MCC: variants seen among roughly 807,000 people sequenced by gnomAD.
MCC encodes colorectal mutant cancer protein.
In MCC, 90 loss-of-function variants were observed where a neutral mutation model predicts 116.2. The ratio of observed to expected loss-of-function variants is 0.77; its 90% CI spans 0.65 to 0.92. MCC has a LOEUF of 0.92. MCC is among the 40% of genes least tolerant of loss of function. The probability of loss-of-function intolerance (pLI) is 0.00; values close to 1 mark genes in which losing one functional copy is unlikely to be tolerated. For missense variants in MCC, 1,516 were observed against 1,312.2 expected (o/e 1.16, Z -2.40); for synonymous variants, 578 against 510.5 (o/e 1.13, Z -1.78).
chr5:113,070,791 CAT>C (rs1279516770), intron 12 of MCC, among the ~76,000 whole-genome samples: 1 of 152,068 alleles, frequency 6.6e-6, no homozygotes, highest in African/African-American at 2.4e-5. Flanking sequence ...ATGTAAATTA[CAT>C]ATGAACATGA....
At chr5:113,248,745 T>G (rs146467075) in intron 3 of MCC, among the ~76,000 whole-genome samples, 1 of 152,058 alleles carries the variant, frequency 6.6e-6, no homozygotes, top group Non-Finnish European at 1.5e-5. Context: ...GGTTTTGATA[T>G]AAGATTCCCC....
intron 3 of MCC, among the ~76,000 whole-genome samples, chr5:113,166,981 G>T (rs991356472): frequency 1.3e-5 from 2 of 152,144 alleles, no homozygotes; most frequent in African/African-American, 2.4e-5. Context: ...GTCTTACAAG[G>T]TACAGCGATG....
intron 3 of MCC, among the ~76,000 whole-genome samples, chr5:113,193,635 T>C (rs981219880): frequency 4.8e-4 from 73 of 152,188 alleles, no homozygotes; most frequent in African/African-American, 9.9e-4. Context: ...ATTCAAACGA[T>C]AGAGAAATAC....
At chr5:113,279,533 G>A (rs369930170) in intron 3 of MCC, among the ~76,000 whole-genome samples, 2 of 152,172 alleles carry the variant, frequency 1.3e-5, no homozygotes, top group African/African-American at 2.4e-5. Context: ...TCTTGCAAAT[G>A]AATATCGGAG....
intron 1 of MCC, chr5:113,435,088 T>A (rs572391632): frequency 2.3e-4 from 113 of 481,502 alleles, no homozygotes; most frequent in African/African-American, 2.0e-3. Context: ...CACTTGGACT[T>A]GGAATCCTGG....
At chr5:113,464,307 T>C (rs1020594536) in intron 1 of MCC, among the ~76,000 whole-genome samples, 4 of 152,200 alleles carry the variant, frequency 2.6e-5, no homozygotes, top group East Asian at 1.9e-4. Context: ...CCTCACTACT[T>C]CTCTTCTACT....
At chr5:113,135,875 C>G (rs566288162) in intron 5 of MCC, among the ~76,000 whole-genome samples, 1 of 152,208 alleles carries the variant, frequency 6.6e-6, no homozygotes, top group African/African-American at 2.4e-5. Flanking sequence ...GAAACCCCAT[C>G]TCTACTAAAA....
In MCC at chr5:113,024,234, A is replaced by AAACAT. The variant is rs927866961; in HGVS notation, c.*3063_*3067dup. The AAACAT allele has an allele frequency of 4.6e-5, 7 of 152,228 alleles. No individual in the cohort carries two copies. Among genetic ancestry groups the AAACAT allele is most frequent in the Non-Finnish European group, 7.4e-5 (5 of 68,018 alleles). 9.4% of individuals were successfully genotyped at this position (152,228 alleles called of 1,614,324 possible). ...CAATTTTAAAAGTTAAGTGCTAGTT[A>AAACAT]AACATAACATTTGTTTCAGGCAGCA... is the stretch of plus-strand genomic sequence containing the variant. On this transcript the variant is annotated 3_prime_UTR_variant, in exon 19 of 19. Transcript: ENST00000408903.
intron 3 of MCC, among the ~76,000 whole-genome samples, chr5:113,221,069 T>A (rs1763534892): frequency 6.6e-6 from 1 of 152,126 alleles, no homozygotes; most frequent in African/African-American, 2.4e-5. Flanking sequence ...CCAGGTATGG[T>A]GGTACATGCC....
rs775947685 is a variant in MCC at position 113,385,090 on chromosome 5, A to T, written c.293T>A (p.Met98Lys). The T allele has an allele frequency of 1.2e-5, 20 of 1,614,104 alleles. No homozygotes were observed. In the East Asian group the frequency reaches 2.0e-4, roughly 16 times the overall value. ...ISFQDFTRCR[M>K]QLVREIRKEE... ...CTTCCTAATTTCTCGAACAAGCTGC[A>T]TGCGGCATCTTGTGAAATCCTGAAA... The change falls in exon 2 of 19, where the codon ATG (methionine) becomes AAG (lysine). Residue 98 changes from methionine (M) to lysine (K), a missense_variant. Met to Lys is a moderately conservative substitution (Grantham distance 95). Coordinates refer to ENST00000408903, the MANE Select transcript of MCC (RefSeq NM_001085377.2).
chr5:113,091,016 C>T (rs1169892889), intron 8 of MCC, among the ~76,000 whole-genome samples: 3 of 152,154 alleles, frequency 2.0e-5, no homozygotes, highest in African/African-American at 4.8e-5. Flanking sequence ...AGATGGAGGG[C>T]GCCTGCTAGT....
intron 5 of MCC, among the ~76,000 whole-genome samples, chr5:113,138,464 G>C (rs1429710333): frequency 6.6e-6 from 1 of 152,204 alleles, no homozygotes; most frequent in Non-Finnish European, 1.5e-5. Context: ...CAGAGAGCTT[G>C]CTTCCTCTTT....
chr5:113,181,129 A>C (rs1761606978), intron 3 of MCC, among the ~76,000 whole-genome samples: 1 of 152,232 alleles, frequency 6.6e-6, no homozygotes, highest in African/African-American at 2.4e-5. Flanking sequence ...CTAAACTCCC[A>C]GAAACAGGCA....
At position 113,473,942 on chromosome 5, in the gene MCC, G is replaced by A. The variant is rs560645212; in HGVS notation, c.170+14303C>T. On this transcript the variant is annotated intron_variant, in intron 1 of 18. Coordinates refer to ENST00000408903, the MANE Select transcript of MCC (RefSeq NM_001085377.2). ...AAAGCTGACAGAAAAAATCCCAGAA[G>A]AAGAAAATGATACTGATTAGAAAGT... Among the ~76,000 whole-genome samples the A allele has an allele frequency of 5.4e-4, 82 of 152,200 alleles. 2 individuals are homozygous for A. The highest frequency in any genetic ancestry group is 1.8e-3 in the African/African-American group (73 of 41,526).
chr5:113,347,198 T>C (rs1768155579), intron 2 of MCC, among the ~76,000 whole-genome samples: 1 of 152,146 alleles, frequency 6.6e-6, no homozygotes, highest in African/African-American at 2.4e-5. Flanking sequence ...AATATTATAA[T>C]ACTGCAATTG....
chr5:113,353,279 C>T (rs1339011820), intron 2 of MCC, among the ~76,000 whole-genome samples: 1 of 152,152 alleles, frequency 6.6e-6, no homozygotes, highest in East Asian at 1.9e-4. Flanking sequence ...TCTCCACTCT[C>T]AGGCCAGACA....
chr5:113,150,145 G>C (rs1759761900), intron 4 of MCC, among the ~76,000 whole-genome samples: 1 of 152,074 alleles, frequency 6.6e-6, no homozygotes, highest in African/African-American at 2.4e-5. Context: ...AGAGACAAAG[G>C]AAAGAAAAGG....
chr5:113,409,848 A>AT (rs2150402165), intron 1 of MCC, among the ~76,000 whole-genome samples: 2 of 152,320 alleles, frequency 1.3e-5, no homozygotes, highest in East Asian at 3.9e-4. Flanking sequence ...ACGGTCTCAC[A>AT]TTTTGTGGTC....
chr5:113,280,517 G>C (rs1766003772), intron 3 of MCC, among the ~76,000 whole-genome samples: 1 of 152,182 alleles, frequency 6.6e-6, no homozygotes, highest in African/African-American at 2.4e-5. Flanking sequence ...AGAATTCTAA[G>C]TCGTAAGTCA....
Sources: allele counts gnomAD v4.1 joint callset (sites outside exome capture counted in the v4.1 genomes callset), GRCh38; gene constraint gnomAD v4.1.1; transcripts MANE v1.5; gene names NCBI Gene and HGNC (gene_info 2026-07-23, HGNC 2026-07-21).